The following LEKR1 variants were observed in gnomAD, a reference collection of about 807,000 sequenced individuals.
The protein encoded by LEKR1 is protein LEKR1.
Under a neutral mutation model 72.4 loss-of-function variants are expected in LEKR1, and 59 were observed. The ratio of observed to expected loss-of-function variants is 0.82; its 90% CI spans 0.66 to 1.01. The LOEUF (loss-of-function observed/expected upper bound fraction) is 1.01, where lower values mean the gene tolerates loss of function less well. LEKR1 is among the 50% of genes least tolerant of loss of function. LEKR1 has a pLI of 0.00. For missense variants in LEKR1, 728 were observed against 759.2 expected (o/e 0.96, Z 0.48); for synonymous variants, 257 against 263.2 (o/e 0.98, Z 0.23).
intron 2 of LEKR1, among the ~76,000 whole-genome samples, chr3:156,830,427 A>C (rs1274148255): frequency 1.3e-5 from 2 of 152,214 alleles, no homozygotes; most frequent in Non-Finnish European, 2.9e-5. Flanking sequence ...AAAAAGTTGA[A>C]TTGCTTGATG....
chr3:156,856,496 T>C (rs1043574885), intron 3 of LEKR1, among the ~76,000 whole-genome samples: 5 of 152,154 alleles, frequency 3.3e-5, no homozygotes, highest in African/African-American at 1.2e-4. Context: ...TGTTATGATT[T>C]AGACTGGGAT....
intron 5 of LEKR1, among the ~76,000 whole-genome samples, chr3:156,928,008 A>C (rs1231769462): frequency 6.6e-6 from 1 of 152,032 alleles, no homozygotes; most frequent in African/African-American, 2.4e-5. Context: ...CAGTATCAAA[A>C]ATTAAAAGAA....
intron 3 of LEKR1, among the ~76,000 whole-genome samples, chr3:156,869,392 G>C (rs1251912857): frequency 6.6e-6 from 1 of 151,918 alleles, no homozygotes; most frequent in Non-Finnish European, 1.5e-5. Context: ...TAAAGTAGCT[G>C]TTCTAACTGG....
intron 12 of LEKR1, among the ~76,000 whole-genome samples, chr3:157,042,328 C>A (rs1232228673): frequency 6.6e-6 from 1 of 152,182 alleles, no homozygotes; most frequent in Non-Finnish European, 1.5e-5. Flanking sequence ...GAGCAGCGGG[C>A]CCCAGGCAGT....
At chr3:156,882,743 GA>G (rs1719566810) in intron 3 of LEKR1, among the ~76,000 whole-genome samples, 1 of 152,178 alleles carries the variant, frequency 6.6e-6, no homozygotes, top group Non-Finnish European at 1.5e-5. Context: ...CAAAGACTTG[GA>G]ACCAAGCCAA....
chr3:156,972,642 A>C (rs1729328579), intron 6 of LEKR1, among the ~76,000 whole-genome samples: 1 of 151,494 alleles, frequency 6.6e-6, no homozygotes, highest in Non-Finnish European at 1.5e-5. Context: ...TATATGTAAT[A>C]TATATAAGGA....
At chr3:156,896,030 A>G (rs1721147490) in intron 3 of LEKR1, among the ~76,000 whole-genome samples, 1 of 152,214 alleles carries the variant, frequency 6.6e-6, no homozygotes, top group African/African-American at 2.4e-5. Context: ...ATGCCACCAT[A>G]AAAAAGAACA....
chr3:157,000,451 A>G (rs550964784), intron 9 of LEKR1, among the ~76,000 whole-genome samples: 1 of 152,312 alleles, frequency 6.6e-6, no homozygotes, highest in Admixed American at 6.5e-5. Context: ...TTAGGTAAAC[A>G]TAGAGTAAAT....
intron 7 of LEKR1, among the ~76,000 whole-genome samples, chr3:156,983,217 G>C (rs1020873621): frequency 3.3e-5 from 5 of 152,086 alleles, no homozygotes; most frequent in Non-Finnish European, 7.4e-5. Context: ...TAGTAGAAAG[G>C]GTAAACTCTA....
intron 7 of LEKR1, among the ~76,000 whole-genome samples, chr3:156,983,489 A>C (rs1384562963): frequency 6.6e-6 from 1 of 152,138 alleles, no homozygotes; most frequent in East Asian, 1.9e-4. Flanking sequence ...CTGGTTCTAT[A>C]TTTATGTCTG....
chr3:156,902,212 A>C (rs534463912), intron 3 of LEKR1, among the ~76,000 whole-genome samples: 2 of 150,428 alleles, frequency 1.3e-5, no homozygotes, highest in African/African-American at 2.4e-5. Flanking sequence ...CCTATTCTTT[A>C]AAAAAAAATC....
chr3:156,844,573 A>G (rs1467939747), intron 2 of LEKR1, among the ~76,000 whole-genome samples: 2 of 152,126 alleles, frequency 1.3e-5, no homozygotes, highest in Non-Finnish European at 2.9e-5. Flanking sequence ...CTGGTCTCCA[A>G]TAATTTTATG....
chr3:156,925,585 C>G (rs186233232), intron 4 of LEKR1, among the ~76,000 whole-genome samples: 15 of 151,998 alleles, frequency 9.9e-5, no homozygotes, highest in Admixed American at 7.9e-4. Context: ...CCAATAGAGG[C>G]AAATTTATTG....
intron 2 of LEKR1, among the ~76,000 whole-genome samples, chr3:156,852,535 C>G (rs1182256870): frequency 6.6e-6 from 1 of 151,990 alleles, no homozygotes; most frequent in Non-Finnish European, 1.5e-5. Flanking sequence ...CTTAGAGATA[C>G]CATGGAGAAA....
intron 4 of LEKR1, among the ~76,000 whole-genome samples, chr3:156,923,356 C>T (rs1470447273): frequency 6.6e-6 from 1 of 152,204 alleles, no homozygotes; most frequent in Non-Finnish European, 1.5e-5. Context: ...ACCTTCAGCT[C>T]ACCAGGCAAC....
Position 157,042,963 on chromosome 3 carries a change from G to T in LEKR1, c.1669-2377G>T, listed in dbSNP as rs78957081. ...ATCCCCAGTGTTGGAGGTGGGGCCTGGTGGGAGGTGTTTGGATCATAGGGG... is the reference window on the plus strand; with the variant it reads ...ATCCCCAGTGTTGGAGGTGGGGCCTTGTGGGAGGTGTTTGGATCATAGGGG... On this transcript the variant is annotated intron_variant, in intron 12 of 12. Coordinates refer to ENST00000356539, the MANE Select transcript of LEKR1 (RefSeq NM_001004316.3). Among the ~76,000 whole-genome samples, 26 of 152,258 alleles carry T rather than the reference G, an allele frequency of 1.7e-4. No individual in the cohort carries two copies. The South Asian group carries it at 3.9e-3, about 23-fold the overall frequency.
At chr3:156,944,825 A>G (rs1726542888) in intron 6 of LEKR1, among the ~76,000 whole-genome samples, 1 of 151,710 alleles carries the variant, frequency 6.6e-6, no homozygotes, top group African/African-American at 2.4e-5. Flanking sequence ...TTGTTGATGG[A>G]CATTTGGGTT....
At chr3:156,907,838 A>G (rs1722676410) in intron 3 of LEKR1, among the ~76,000 whole-genome samples, 1 of 152,094 alleles carries the variant, frequency 6.6e-6, no homozygotes, top group African/African-American at 2.4e-5. Flanking sequence ...TTTCAATAAT[A>G]TCTTTTTTTT....
At chr3:156,907,356 C>T (rs1467534336) in intron 3 of LEKR1, among the ~76,000 whole-genome samples, 1 of 151,930 alleles carries the variant, frequency 6.6e-6, no homozygotes, top group Admixed American at 6.6e-5. Context: ...TGCATTTTTC[C>T]CCATTGATAA....
Sources: allele counts gnomAD v4.1 joint callset (sites outside exome capture counted in the v4.1 genomes callset), GRCh38; gene constraint gnomAD v4.1.1; transcripts MANE v1.5; gene names NCBI Gene and HGNC (gene_info 2026-07-23, HGNC 2026-07-21).